ICA1: variants seen among roughly 807,000 people sequenced by gnomAD.
ICA1 encodes the protein islet cell autoantigen 1, also known as 69 kDa islet cell autoantigen.
Under a neutral mutation model 71.0 loss-of-function variants are expected in ICA1, and 40 were observed. That is an observed-to-expected ratio of 0.56 (90% CI 0.44 to 0.73). The LOEUF is 0.73. Among genes scored for constraint, ICA1 ranks in the 30% least tolerant of loss-of-function variants. The probability of loss-of-function intolerance (pLI) is 0.00; values close to 1 mark genes in which losing one functional copy is unlikely to be tolerated. For synonymous variants in ICA1, 207 were observed against 209.5 expected (o/e 0.99, Z 0.10); for missense variants, 578 against 576.5 (o/e 1.00, Z -0.03).
At chr7:8,220,803 TCC>T (rs1796801852) in intron 5 of ICA1, among the ~76,000 whole-genome samples, 1 of 152,078 alleles carries the variant, frequency 6.6e-6, no homozygotes, top group East Asian at 1.9e-4. Flanking sequence ...TCTAACACAC[TCC>T]CGGGTTATGG....
Position 8,228,663 on chromosome 7 carries a change from G to A in ICA1, c.194C>T (p.Ser65Leu). The A allele has an allele frequency of 6.3e-7, 1 of 1,596,078 alleles. No individual in the cohort carries two copies. The highest frequency in any genetic ancestry group is 8.5e-7 in the Non-Finnish European group (1 of 1,169,908). Residue 65 changes from serine to leucine, a missense_variant, in exon 4 of 14, where the codon TCA becomes TTA. Transcript: ENST00000402384. ...TAAGTCCAGACAGGTTCTCTGAATTGAATGAAACAGCTGTAATAAAAATAC... is the reference window on the plus strand; with the variant it reads ...TAAGTCCAGACAGGTTCTCTGAATTAAATGAAACAGCTGTAATAAAAATAC... ...DLDAKLELFH[S>L]IQRTCLDLSK...
intron 1 of ICA1, among the ~76,000 whole-genome samples, chr7:8,243,920 A>C (rs1173339327): frequency 1.3e-5 from 2 of 152,246 alleles, no homozygotes; most frequent in Non-Finnish European, 2.9e-5. Flanking sequence ...ATAAAAGAGG[A>C]CACAAACAAA....
chr7:8,210,552 T>C (rs180873037), intron 6 of ICA1, among the ~76,000 whole-genome samples: 3 of 152,136 alleles, frequency 2.0e-5, no homozygotes, highest in African/African-American at 7.2e-5. Context: ...GACCACTATA[T>C]AATTTCCTAG....
At chr7:8,213,142 C>A (rs1794360712) in intron 6 of ICA1, among the ~76,000 whole-genome samples, 1 of 152,156 alleles carries the variant, frequency 6.6e-6, no homozygotes, top group Non-Finnish European at 1.5e-5. Flanking sequence ...ACAAAACCTA[C>A]AAATGAAAAT....
intron 3 of ICA1, among the ~76,000 whole-genome samples, chr7:8,229,344 G>A (rs1164529366): frequency 6.6e-6 from 1 of 152,194 alleles, no homozygotes; most frequent in Non-Finnish European, 1.5e-5. Flanking sequence ...ATGGGGCTGT[G>A]CTGAGAAGAA....
At chr7:8,158,175 A>C (rs1802403247) in intron 7 of ICA1, among the ~76,000 whole-genome samples, 1 of 152,186 alleles carries the variant, frequency 6.6e-6, no homozygotes, top group African/African-American at 2.4e-5. Context: ...GGACAGACAC[A>C]ACGCTAAGTG....
Position 8,132,311 on chromosome 7 carries a change from C to G in ICA1, c.1061-4169G>C, listed in dbSNP as rs1407172565. Among the ~76,000 whole-genome samples the G allele has an allele frequency of 6.6e-6, 1 of 152,172 alleles. No homozygotes were observed. The highest frequency in any genetic ancestry group is 1.5e-5 in the Non-Finnish European group (1 of 68,034). On this transcript the variant is annotated intron_variant, in intron 12 of 13. Transcript: ENST00000402384. The surrounding 1 kb of genome is among the most constrained non-coding windows in gnomAD (Gnocchi z 4.5). ...TTTCATTTTCCAATGCTTCCTTCCC[C>G]TAGCCGCAGGAGATGTGTGCCTATC...
At chr7:8,232,919 C>G (rs1382929291) in intron 2 of ICA1, among the ~76,000 whole-genome samples, 164 bp from the exon 3 acceptor site, 1 of 152,236 alleles carries the variant, frequency 6.6e-6, no homozygotes, top group Non-Finnish European at 1.5e-5. Flanking sequence ...CAAGGAAGTT[C>G]ATCAACTCTT....
Position 8,248,788 on chromosome 7 carries a change from G to C in ICA1, c.-79-12783C>G, listed in dbSNP as rs917034908. Among the ~76,000 whole-genome samples the C allele has an allele frequency of 2.6e-5, 4 of 152,098 alleles. No homozygotes were observed. The East Asian group carries it at 5.8e-4, about 22-fold the overall frequency. ...CAGAACAGAGTCTGGCAATGATGTG[G>C]GTGCAAAGTGGTACATTAGAAACAT... On this transcript the variant is annotated intron_variant, in intron 1 of 13. Transcript: ENST00000402384.
chr7:8,153,087 A>T (rs1800176427), intron 8 of ICA1, among the ~76,000 whole-genome samples: 1 of 152,098 alleles, frequency 6.6e-6, no homozygotes, highest in Admixed American at 6.6e-5. Flanking sequence ...CACTTTCACA[A>T]CCACTCACGC....
chr7:8,250,558 T>C (rs1807819948), intron 1 of ICA1, among the ~76,000 whole-genome samples: 1 of 152,208 alleles, frequency 6.6e-6, no homozygotes, highest in Admixed American at 6.5e-5. Context: ...CACGATTACC[T>C]GAGCATTCCA....
At chr7:8,249,779 G>T (rs1807499969) in intron 1 of ICA1, among the ~76,000 whole-genome samples, 1 of 152,196 alleles carries the variant, frequency 6.6e-6, no homozygotes, top group African/African-American at 2.4e-5. Context: ...CTCAATTGTA[G>T]TGAACTTTTC....
chr7:8,222,214 T>C lies in ICA1; in HGVS notation c.257-816A>G, dbSNP rs1797327637. Among the ~76,000 whole-genome samples the C allele has an allele frequency of 6.6e-6, 1 of 152,160 alleles. No individual in the cohort carries two copies. The highest frequency in any genetic ancestry group is 2.1e-4 in the South Asian group (1 of 4,824). ...ATCATAGCATCATTATTTATAATAG[T>C]GAAACACTCTCCTTATACTAGGAAC... On this transcript the variant is annotated intron_variant, in intron 4 of 13. Coordinates refer to ENST00000402384, the MANE Select transcript of ICA1 (RefSeq NM_001136020.3). The surrounding 1 kb of genome is among the most constrained non-coding windows in gnomAD (Gnocchi z 4.8).
intron 6 of ICA1, among the ~76,000 whole-genome samples, chr7:8,188,307 C>T (rs919686093): frequency 5.3e-5 from 8 of 152,148 alleles, no homozygotes; most frequent in African/African-American, 1.4e-4. Context: ...ATCATTTCTA[C>T]GCTGAAAATC....
chr7:8,201,821 G>C (rs1248073592), intron 6 of ICA1, among the ~76,000 whole-genome samples: 2 of 152,198 alleles, frequency 1.3e-5, no homozygotes, highest in African/African-American at 4.8e-5. Context: ...GTTGCCATTA[G>C]GGAGATTCAT....
At position 8,232,534 on chromosome 7, in the gene ICA1, G is replaced by A. The variant is rs990598687; in HGVS notation, c.183+56C>T. ...GCTCTGCCTCAGTGAGTATACTCTAGGACCTTGATCCTAGCAAGGTGGCTG... is the reference window on the plus strand; with the variant it reads ...GCTCTGCCTCAGTGAGTATACTCTAAGACCTTGATCCTAGCAAGGTGGCTG... On this transcript the variant is annotated intron_variant, in intron 3 of 13. Coordinates refer to ENST00000402384, the MANE Select transcript of ICA1 (RefSeq NM_001136020.3). The A allele has an allele frequency of 2.2e-5, 33 of 1,493,162 alleles. No individual in the cohort carries two copies. In the African/African-American group the frequency reaches 3.9e-4, roughly 18 times the overall value. The allele number at this position is 1,493,162 out of a possible 1,614,324, so 92.5% of individuals were successfully genotyped here. A position where few individuals can be genotyped will look rare whatever the true frequency, so the allele number is the denominator to read the frequency against.
intron 6 of ICA1, among the ~76,000 whole-genome samples, chr7:8,215,821 C>T (rs1488246508): frequency 3.3e-5 from 5 of 152,212 alleles, no homozygotes; most frequent in African/African-American, 7.2e-5. Flanking sequence ...GAGACTGAAA[C>T]TCCCCCTCCC....
chr7:8,227,885 C>T, intron 4 of ICA1: 1 of 444,114 alleles, frequency 2.3e-6, no homozygotes, highest in Non-Finnish European at 4.6e-6. Context: ...TGCACCCAGC[C>T]TACCAAAATG....
At chr7:8,206,695 C>T (rs1791660063) in intron 6 of ICA1, among the ~76,000 whole-genome samples, 1 of 147,584 alleles carries the variant, frequency 6.8e-6, no homozygotes. Flanking sequence ...CTTGCGGTTG[C>T]CAGCTTCTCC....
Sources: allele counts gnomAD v4.1 joint callset (sites outside exome capture counted in the v4.1 genomes callset), GRCh38; gene constraint gnomAD v4.1.1; non-coding constraint Gnocchi (gnomAD v3.1); transcripts MANE v1.5; gene names NCBI Gene and HGNC (gene_info 2026-07-23, HGNC 2026-07-21).